The following GPR158 variants were observed in gnomAD, a reference collection of about 807,000 sequenced individuals.
The protein encoded by GPR158 is metabotropic glycine receptor.
Under a neutral mutation model 78.2 loss-of-function variants are expected in GPR158, and 30 were observed. The observed-to-expected ratio is 0.38, with a 90% confidence interval of 0.29 to 0.52. GPR158 has a LOEUF of 0.52. Among genes scored for constraint, GPR158 ranks in the 20% least tolerant of loss-of-function variants. GPR158 has a pLI of 0.83. For synonymous variants in GPR158, 581 were observed against 591.1 expected, an observed-to-expected ratio of 0.98 and a Z score of 0.25; for missense variants, 1,463 against 1,523.5, an observed-to-expected ratio of 0.96 and a Z score of 0.66.
intron 1 of GPR158, among the ~76,000 whole-genome samples, chr10:25,213,187 A>T (rs1021765535): frequency 7.2e-5 from 11 of 152,106 alleles, no homozygotes; most frequent in Non-Finnish European, 2.9e-5. Flanking sequence ...ATTAGTCAAG[A>T]ATTCAGTACT....
At position 25,175,388 on chromosome 10, in the gene GPR158, C is replaced by T. The variant is rs371327078; in HGVS notation, c.-33C>T. ...CAAATTTAAAAAGTGATTCCCCCCC[C>T]TCCCGTTCCCTCCTCTTCTCTCTGG... is the stretch of plus-strand genomic sequence containing the variant. On this transcript the variant is annotated 5_prime_UTR_variant, in exon 1 of 11. Coordinates refer to ENST00000376351, the MANE Select transcript of GPR158 (RefSeq NM_020752.3). The surrounding 1 kb of genome is among the most constrained non-coding windows in gnomAD (Gnocchi z 6.4). The T allele has an allele frequency of 4.5e-4, 602 of 1,338,316 alleles. 4 individuals are homozygous for T. In the African/African-American group the frequency reaches 8.2e-3, roughly 18 times the overall value. 82.9% of individuals were successfully genotyped at this position (1,338,316 alleles called of 1,614,324 possible).
At position 25,600,937 on chromosome 10, in the gene GPR158, T is replaced by C. The variant is rs1188037279; in HGVS notation, c.*1663T>C. The C allele has an allele frequency of 6.6e-6, 1 of 152,114 alleles. No homozygotes were observed. Among genetic ancestry groups the C allele is most frequent in the Non-Finnish European group, 1.5e-5 (1 of 68,008 alleles). 9.4% of individuals were successfully genotyped at this position (152,114 alleles called of 1,614,324 possible). Reference sequence around the variant, plus strand: ...CAGTCTCATTTCATTTAAAGAAGAATCACTCAGAAATAGAACCGAGACTTC... The same window carrying C: ...CAGTCTCATTTCATTTAAAGAAGAACCACTCAGAAATAGAACCGAGACTTC... On this transcript the variant is annotated 3_prime_UTR_variant, in exon 11 of 11. Coordinates refer to ENST00000376351, the MANE Select transcript of GPR158 (RefSeq NM_020752.3).
chr10:25,265,156 C>A (rs549667978), intron 2 of GPR158, among the ~76,000 whole-genome samples: 2 of 151,566 alleles, frequency 1.3e-5, no homozygotes, highest in East Asian at 3.9e-4. Context: ...TACTCTTTCC[C>A]TTCTAAGTCC....
intron 5 of GPR158, among the ~76,000 whole-genome samples, chr10:25,533,964 G>C (rs1350619631): frequency 6.6e-6 from 1 of 152,134 alleles, no homozygotes; most frequent in African/African-American, 2.4e-5. Context: ...ATTGTTGTAA[G>C]AAATAAACAA....
chr10:25,545,283 CTG>C (rs1836648074), intron 5 of GPR158, among the ~76,000 whole-genome samples: 1 of 152,190 alleles, frequency 6.6e-6, no homozygotes, highest in Non-Finnish European at 1.5e-5. Context: ...AATCGCCACA[CTG>C]TCTTCCACAA....
At chr10:25,309,965 T>C (rs1325085630) in intron 2 of GPR158, among the ~76,000 whole-genome samples, 1 of 152,198 alleles carries the variant, frequency 6.6e-6, no homozygotes, top group Non-Finnish European at 1.5e-5. Context: ...ATACCTTTGA[T>C]GTCATATTCA....
At chr10:25,211,135 AAAAAG>A (rs1185258748) in intron 1 of GPR158, among the ~76,000 whole-genome samples, 25 of 145,838 alleles carry the variant, frequency 1.7e-4, no homozygotes, top group Non-Finnish European at 3.1e-4. Flanking sequence ...TGTCTCAAGA[AAAAAG>A]AAAAAAAAAA....
intron 2 of GPR158, among the ~76,000 whole-genome samples, chr10:25,284,074 A>C (rs1389633941): frequency 6.6e-6 from 1 of 152,040 alleles, no homozygotes; most frequent in Non-Finnish European, 1.5e-5. Context: ...ACTTGAAAAT[A>C]AGATATATTC....
intron 2 of GPR158, among the ~76,000 whole-genome samples, chr10:25,252,916 G>A (rs1167607299): frequency 5.9e-4 from 90 of 152,292 alleles, no homozygotes; most frequent in African/African-American, 1.9e-3. Context: ...CCCCAGCCTC[G>A]CTGCCGCCTT....
chr10:25,596,716 G>T lies in GPR158; in HGVS notation c.2072G>T (p.Arg691Leu). The T allele has an allele frequency of 6.2e-7, 1 of 1,613,368 alleles. No individual in the cohort carries two copies. Among genetic ancestry groups the T allele is most frequent in the Non-Finnish European group, 8.5e-7 (1 of 1,179,438 alleles). ...TATGAGGATGAGCTAGACATGGGCC[G>T]ATCTGGATCCTACCTGAACAGCAGT... Reference protein sequence around the residue: ...EAYEDELDMGRSGSYLNSSIN... With the variant: ...EAYEDELDMGLSGSYLNSSIN... Residue 691 changes from arginine (R) to leucine (L), a missense_variant, in exon 10 of 11, where the codon CGA becomes CTA. Transcript: ENST00000376351.
intron 2 of GPR158, among the ~76,000 whole-genome samples, chr10:25,386,526 A>T (rs1834224476): frequency 6.6e-6 from 1 of 152,124 alleles, no homozygotes; most frequent in Non-Finnish European, 1.5e-5. Context: ...CTTTGCTTTG[A>T]ATAGTATGGA....
chr10:25,224,801 A>G (rs2130687421), intron 2 of GPR158, among the ~76,000 whole-genome samples: 1 of 152,286 alleles, frequency 6.6e-6, no homozygotes, highest in South Asian at 2.1e-4. Flanking sequence ...GCAATTCTGC[A>G]TCTTACTTGA....
chr10:25,460,172 A>G (rs1254891359), intron 4 of GPR158, among the ~76,000 whole-genome samples: 4 of 152,106 alleles, frequency 2.6e-5, no homozygotes, highest in Non-Finnish European at 5.9e-5. Context: ...TTTGCATATT[A>G]TAATACCAAA....
At chr10:25,372,969 T>C (rs944076494) in intron 2 of GPR158, among the ~76,000 whole-genome samples, 14 of 151,892 alleles carry the variant, frequency 9.2e-5, no homozygotes, top group African/African-American at 3.4e-4. Flanking sequence ...CAAAGGAATA[T>C]AAATTGTCTG....
At chr10:25,183,831 A>G (rs550503095) in intron 1 of GPR158, among the ~76,000 whole-genome samples, 102 of 152,368 alleles carry the variant, frequency 6.7e-4, no homozygotes, top group African/African-American at 2.1e-3. Context: ...TCAGAGAAGA[A>G]TTTGACACAT....
chr10:25,464,686 T>C (rs1835399337), intron 4 of GPR158, among the ~76,000 whole-genome samples: 2 of 152,370 alleles, frequency 1.3e-5, no homozygotes, highest in South Asian at 4.1e-4. Context: ...TTCTTCATCG[T>C]ACCTTGCAGC....
chr10:25,487,418 G>A (rs546198105), intron 5 of GPR158, among the ~76,000 whole-genome samples: 33 of 152,258 alleles, frequency 2.2e-4, no homozygotes, highest in Admixed American at 2.0e-3. Context: ...TTTCCTCCTT[G>A]GCCGTAAATA....
At chr10:25,382,377 C>G (rs1834166744) in intron 2 of GPR158, among the ~76,000 whole-genome samples, 1 of 152,172 alleles carries the variant, frequency 6.6e-6, no homozygotes. Context: ...TTTGTGAGAG[C>G]TGGCTCCATC....
chr10:25,199,625 T>A (rs538078384), intron 1 of GPR158, among the ~76,000 whole-genome samples: 3 of 152,242 alleles, frequency 2.0e-5, no homozygotes, highest in Non-Finnish European at 4.4e-5. Flanking sequence ...GTTCTCATGA[T>A]AGTGAGTAAG....
Sources: allele counts gnomAD v4.1 joint callset (sites outside exome capture counted in the v4.1 genomes callset), GRCh38; gene constraint gnomAD v4.1.1; non-coding constraint Gnocchi (gnomAD v3.1); transcripts MANE v1.5; gene names NCBI Gene and HGNC (gene_info 2026-07-23, HGNC 2026-07-21).